The following PTOV1 variants were observed in gnomAD, a reference collection of about 807,000 sequenced individuals.
PTOV1 encodes the protein prostate tumor-overexpressed gene 1 protein.
Under a neutral mutation model 58.0 loss-of-function variants are expected in PTOV1, and 20 were observed. The ratio of observed to expected loss-of-function variants is 0.34; its 90% CI spans 0.24 to 0.50. The LOEUF is 0.50. Ranked by LOEUF, PTOV1 falls within the 20% of genes least tolerant of loss-of-function variation. The pLI, the probability that PTOV1 is intolerant of heterozygous loss-of-function variation, is 0.98. For missense variants in PTOV1, 593 were observed against 565.4 expected (o/e 1.05, Z -0.50); for synonymous variants, 335 against 234.2 (o/e 1.43, Z -3.93).
intron 11 of PTOV1, 26 bp from the exon 12 acceptor site, chr19:49,860,242 C>T: frequency 6.2e-7 from 1 of 1,613,752 alleles, no homozygotes; most frequent in South Asian, 1.1e-5. Context: ...GCCTGCTCAC[C>T]ACTGGCCTCT....
At chr19:49,854,049 G>A (rs554037766) in intron 1 of PTOV1, among the ~76,000 whole-genome samples, 11 of 152,330 alleles carry the variant, frequency 7.2e-5, no homozygotes, top group Admixed American at 2.0e-4. Context: ...CCTGGGGCAC[G>A]GGGAAAGCCC....
chr19:49,860,688 C>T (rs1374836286), exon 12 of PTOV1: 2 of 370,238 alleles, frequency 5.4e-6, no homozygotes, highest in African/African-American at 4.1e-5. Context: ...CCTGAGGCCT[C>T]CAAGGACGGT....
chr19:49,851,914 C>A (rs1233094294), intron 1 of PTOV1: 1 of 975,894 alleles, frequency 1.0e-6, no homozygotes. Flanking sequence ...TTTGTACCAG[C>A]GCCCCCAGAT....
At chr19:49,851,605 C>T (rs1056978472) in intron 1 of PTOV1, 106 bp downstream of exon 1, 2 of 1,021,186 alleles carry the variant, frequency 2.0e-6, no homozygotes, top group African/African-American at 3.4e-5. Flanking sequence ...GGGGTGTCCC[C>T]TGTGGCCCGA....
chr19:49,851,465 C>T, exon 1 of PTOV1: 5 of 1,221,998 alleles, frequency 4.1e-6, no homozygotes, highest in Non-Finnish European at 4.1e-6. Context: ...GGCCCGCAGC[C>T]TCCGCGGATC....
At chr19:49,857,125 A>G (rs376529354) in exon 6 of PTOV1, 10 of 1,613,894 alleles carry the variant, frequency 6.2e-6, no homozygotes, top group Non-Finnish European at 8.5e-6. Context: ...CACCACCCGC[A>G]AGCAGGTGTG....
intron 10 of PTOV1, chr19:49,858,965 C>G (rs1360501219): frequency 1.9e-5 from 5 of 269,150 alleles, no homozygotes; most frequent in Non-Finnish European, 3.6e-5. Flanking sequence ...GAGCTTGTGC[C>G]ACATCCCAAA....
chr19:49,857,434 C>T lies in PTOV1; in HGVS notation c.715-259C>T, dbSNP rs1189390379. 6.6e-6 allele frequency: 4 copies of T among 605,000 alleles called. No homozygotes were observed. The African/African-American group carries it at 7.4e-5, about 11-fold the overall frequency. The allele number at this position is 605,000 out of a possible 1,614,324, so 37.5% of individuals were successfully genotyped here. A position where few individuals can be genotyped will look rare whatever the true frequency, so the allele number is the denominator to read the frequency against. The stretch of plus-strand genomic sequence containing the variant: ...AGGCCCTGCCTGGTAACCACGTGTC[C>T]TGGTCATGCCTTGCCAGTTGAGGCA... On this transcript the variant is annotated intron_variant, in intron 6 of 11. Transcript: ENST00000391842.
chr19:49,860,720 C>T (rs948016830), exon 12 of PTOV1: 3 of 318,604 alleles, frequency 9.4e-6, no homozygotes, highest in African/African-American at 4.3e-5. Context: ...TACGTTTCCC[C>T]AATAAAGCCT....
rs2074409608 is a variant in PTOV1, at chr19:49,855,164, G to A, written c.558+87G>A. On this transcript the variant is annotated intron_variant, in intron 5 of 11. Transcript: ENST00000391842. ...GCTCACACAGTCCAGGCGGGGGTCG[G>A]GGGGTCTCCCCTGGGGCCGAGGGTA... 6 of 1,349,048 alleles carry A rather than the reference G, an allele frequency of 4.4e-6. No homozygotes were observed. The South Asian group carries it at 6.3e-5, about 14-fold the overall frequency. 83.6% of individuals were successfully genotyped at this position (1,349,048 alleles called of 1,614,324 possible).
At chr19:49,856,936 G>A (rs200274430) in intron 5 of PTOV1, 39 bp from the exon 6 acceptor site, 37 of 1,608,504 alleles carry the variant, frequency 2.3e-5, no homozygotes, top group Middle Eastern at 4.5e-4. Flanking sequence ...CAGTGGCCCC[G>A]GGCAGTGACC....
At chr19:49,854,610 G>A (rs2074380413) in intron 2 of PTOV1, 42 bp from the exon 3 acceptor site, 2 of 1,613,066 alleles carry the variant, frequency 1.2e-6, no homozygotes, top group Non-Finnish European at 8.5e-7. Context: ...ACAGGCCAGG[G>A]CATCTAGGCT....
At chr19:49,854,937 G>A in intron 4 of PTOV1, 33 bp from the exon 5 acceptor site, 1 of 1,487,808 alleles carries the variant, frequency 6.7e-7, no homozygotes, top group South Asian at 1.1e-5. Flanking sequence ...CCCCATGCCT[G>A]GCTGACCCAG....
chr19:49,853,738 C>G (rs1302650149), intron 1 of PTOV1, among the ~76,000 whole-genome samples: 1 of 152,256 alleles, frequency 6.6e-6, no homozygotes, highest in Non-Finnish European at 1.5e-5. Flanking sequence ...TGAGACCCCT[C>G]TGGGGGTGGT....
At chr19:49,860,416 C>T (rs1439948316) in exon 12 of PTOV1, 1 of 1,342,000 alleles carries the variant, frequency 7.5e-7, no homozygotes, top group Non-Finnish European at 1.0e-6. Flanking sequence ...GCAGGGCGAC[C>T]TTGGCCTTGG....
chr19:49,854,661 C>T (rs752525642), exon 3 of PTOV1: 6 of 1,613,524 alleles, frequency 3.7e-6, no homozygotes, highest in South Asian at 1.1e-5. Flanking sequence ...GAAGCGCAGA[C>T]CCTACTCTGA....
chr19:49,851,547 C>G lies in PTOV1; in HGVS notation c.171+48C>G, dbSNP rs561073370. On this transcript the variant is annotated intron_variant, in intron 1 of 11. Coordinates refer to ENST00000391842, the Ensembl canonical transcript of PTOV1. The stretch of plus-strand genomic sequence containing the variant: ...AGAGCCTTCCACGGCCCCGCCCCCC[C>G]AGCCCCTATCCCGGGCTCACGCCTT... The G allele has an allele frequency of 6.3e-3, 6,908 of 1,095,140 alleles. 310 individuals are homozygous for G. In the East Asian group the frequency reaches 0.11, roughly 17 times the overall value. 67.8% of individuals were successfully genotyped at this position (1,095,140 alleles called of 1,614,324 possible).
chr19:49,858,571 G>A (rs528461388), exon 10 of PTOV1: 14 of 1,603,484 alleles, frequency 8.7e-6, no homozygotes, highest in East Asian at 2.3e-5. Context: ...CCGCTGTTCC[G>A]GAACTCGCGC....
Position 49,853,291 on chromosome 19 carries a change from G to A in PTOV1, c.172-1115G>A, listed in dbSNP as rs572733153. On this transcript the variant is annotated intron_variant, in intron 1 of 11. Transcript: ENST00000391842. ...AGGCGCCTATTACGGGGAAACTCTCGTGGGTTTCCTGCTGCCAGGCTGTTT... is the reference window on the plus strand; with the variant it reads ...AGGCGCCTATTACGGGGAAACTCTCATGGGTTTCCTGCTGCCAGGCTGTTT... 5.3e-5 allele frequency: 8 copies of A among 152,300 alleles called. No individual in the cohort carries two copies. In the East Asian group the frequency reaches 1.2e-3, roughly 22 times the overall value. 9.4% of individuals were successfully genotyped at this position (152,300 alleles called of 1,614,324 possible). A position where few individuals can be genotyped will look rare whatever the true frequency, so the allele number is the denominator to read the frequency against.
Sources: gnomAD v4.1 joint callset for allele counts (sites outside exome capture counted in the v4.1 genomes callset) on GRCh38, gnomAD v4.1.1 for gene constraint, MANE v1.5 for transcripts, NCBI Gene and HGNC (gene_info 2026-07-23, HGNC 2026-07-21) for gene names.